Variants in EYS observed in about 807,000 individuals in gnomAD.
EYS encodes the protein protein eyes shut homolog.
Under a neutral mutation model 282.1 loss-of-function variants are expected in EYS, and 250 were observed. That is an observed-to-expected ratio of 0.89 (90% confidence interval 0.80 to 0.98). The LOEUF (loss-of-function observed/expected upper bound fraction) is 0.98, where lower values mean the gene tolerates loss of function less well. Ranked by LOEUF, EYS falls within the 50% of genes least tolerant of loss-of-function variation. The pLI is 0.00. For synonymous variants in EYS, 1,355 were observed against 1,282.9 expected, an observed-to-expected ratio of 1.06 and a Z score of -1.20; for missense variants, 4,016 against 3,709.0, an observed-to-expected ratio of 1.08 and a Z score of -2.15.
intron 14 of EYS, among the ~76,000 whole-genome samples, chr6:64,950,130 T>A (rs910927400): frequency 6.6e-6 from 1 of 152,080 alleles, no homozygotes; most frequent in South Asian, 2.1e-4. Context: ...CAGCAATATG[T>A]AATTTATGAA....
At chr6:64,120,566 T>C (rs1272543343) in intron 31 of EYS, among the ~76,000 whole-genome samples, 1 of 151,946 alleles carries the variant, frequency 6.6e-6, no homozygotes, top group Admixed American at 6.6e-5. Flanking sequence ...GATATGAATG[T>C]CATTGAATTA....
At chr6:63,851,068 G>A (rs564018599) in intron 36 of EYS, among the ~76,000 whole-genome samples, 11 of 152,268 alleles carry the variant, frequency 7.2e-5, no homozygotes, top group Admixed American at 4.6e-4. Context: ...AAGATCAAGA[G>A]AGACAAAGAA....
chr6:64,010,017 G>T (rs1768533223), intron 33 of EYS, among the ~76,000 whole-genome samples: 1 of 151,546 alleles, frequency 6.6e-6, no homozygotes, highest in Admixed American at 6.6e-5. Context: ...GGGGGCCAGT[G>T]CTCAGCTCAG....
At chr6:64,152,628 A>G (rs1013336469) in intron 31 of EYS, among the ~76,000 whole-genome samples, 16 of 152,152 alleles carry the variant, frequency 1.1e-4, no homozygotes, top group African/African-American at 3.6e-4. Context: ...TTCCATTGCA[A>G]TCAAATGACA....
chr6:64,874,729 A>T (rs1766691867), intron 19 of EYS, among the ~76,000 whole-genome samples: 1 of 152,120 alleles, frequency 6.6e-6, no homozygotes, highest in South Asian at 2.1e-4. Context: ...TATAATCAGG[A>T]TTATCCATAA....
intron 25 of EYS, 82 bp downstream of exon 25, chr6:64,593,034 AT>A (rs1766460001): frequency 9.5e-7 from 1 of 1,051,156 alleles, no homozygotes; most frequent in African/African-American, 1.7e-5. Flanking sequence ...AAAAAAAAAG[AT>A]TTTAATAATG....
intron 40 of EYS, 51 bp downstream of exon 40, chr6:63,777,955 G>A (rs1445031444): frequency 4.7e-6 from 7 of 1,480,648 alleles, no homozygotes; most frequent in Non-Finnish European, 6.5e-6. Flanking sequence ...TGGAGTACCA[G>A]TTAGAGTGCA....
intron 12 of EYS, among the ~76,000 whole-genome samples, chr6:65,241,149 T>C (rs1372229021): frequency 2.0e-5 from 3 of 152,150 alleles, no homozygotes; most frequent in Admixed American, 1.3e-4. Context: ...ATCTTATATA[T>C]AGTTATTTTT....
At chr6:64,855,197 T>A (rs1374466841) in intron 19 of EYS, among the ~76,000 whole-genome samples, 1 of 152,112 alleles carries the variant, frequency 6.6e-6, no homozygotes, top group Non-Finnish European at 1.5e-5. Context: ...TGTGTTGTAC[T>A]CATCCTGATT....
intron 2 of EYS, among the ~76,000 whole-genome samples, chr6:65,514,008 T>C (rs1767015654): frequency 6.6e-6 from 1 of 152,136 alleles, no homozygotes; most frequent in African/African-American, 2.4e-5. Flanking sequence ...ATTGTCCCTG[T>C]TTGCAGATGA....
chr6:64,121,954 T>A (rs1400576749), intron 31 of EYS, among the ~76,000 whole-genome samples: 2 of 152,196 alleles, frequency 1.3e-5, no homozygotes, highest in African/African-American at 4.8e-5. Flanking sequence ...TTTTATTTTT[T>A]AATTTGAAAT....
At position 64,852,106 on chromosome 6, in the gene EYS, C is replaced by A. The variant is rs151213961; in HGVS notation, c.2993-29284G>T. Among the ~76,000 whole-genome samples the A allele has an allele frequency of 5.1e-4, 77 of 152,078 alleles. 1 individual carries two copies. The highest frequency in any genetic ancestry group is 1.8e-3 in the African/African-American group (74 of 41,512). On this transcript the variant is annotated intron_variant, in intron 19 of 42. Coordinates refer to ENST00000503581, the MANE Select transcript of EYS (RefSeq NM_001142800.2). Reference sequence around the variant, plus strand: ...ATAGTGTCCTCCAAAATCTGTCCATCAAGAGCCTGTGATTGTTCATTTCAC... The same window carrying A: ...ATAGTGTCCTCCAAAATCTGTCCATAAAGAGCCTGTGATTGTTCATTTCAC...
chr6:64,656,135 T>C (rs560564092), intron 22 of EYS, among the ~76,000 whole-genome samples: 33 of 152,230 alleles, frequency 2.2e-4, no homozygotes, highest in Middle Eastern at 3.4e-3. Flanking sequence ...ATGAGCACCA[T>C]GGACAAGATC....
intron 30 of EYS, among the ~76,000 whole-genome samples, chr6:64,243,209 C>G (rs796513477): frequency 2.6e-5 from 4 of 152,076 alleles, no homozygotes; most frequent in African/African-American, 9.6e-5. Context: ...GGCAATCACT[C>G]TCTGTGTTAC....
At chr6:64,701,596 T>A (rs539316229) in intron 22 of EYS, among the ~76,000 whole-genome samples, 19 of 152,142 alleles carry the variant, frequency 1.2e-4, no homozygotes, top group African/African-American at 4.6e-4. Context: ...GCAGAACAAC[T>A]TAGAAAATCA....
At chr6:65,406,245 TTAAC>T (rs1260981969) in intron 5 of EYS, among the ~76,000 whole-genome samples, 1 of 152,156 alleles carries the variant, frequency 6.6e-6, no homozygotes, top group Non-Finnish European at 1.5e-5. Flanking sequence ...TTTAAATCTA[TTAAC>T]TATTTTTAAA....
chr6:65,382,952 G>T (rs1296983847), intron 8 of EYS, among the ~76,000 whole-genome samples: 4 of 151,212 alleles, frequency 2.6e-5, no homozygotes, highest in African/African-American at 9.7e-5. Flanking sequence ...CAATCAAGTT[G>T]ACCCTCAGTA....
At chr6:63,887,832 G>A (rs1027171837) in intron 35 of EYS, among the ~76,000 whole-genome samples, 4 of 152,198 alleles carry the variant, frequency 2.6e-5, no homozygotes, top group African/African-American at 9.6e-5. Context: ...TGGAAAGGGG[G>A]CTGAAGCCAG....
At chr6:64,349,096 C>A (rs949726441) in intron 29 of EYS, among the ~76,000 whole-genome samples, 2 of 151,288 alleles carry the variant, frequency 1.3e-5, no homozygotes, top group Non-Finnish European at 3.0e-5. Flanking sequence ...AGAACAAAAT[C>A]TTTTCATCAA....
Sources: allele counts gnomAD v4.1 joint callset (sites outside exome capture counted in the v4.1 genomes callset), GRCh38; gene constraint gnomAD v4.1.1; transcripts MANE v1.5; gene names NCBI Gene and HGNC (gene_info 2026-07-23, HGNC 2026-07-21).